Variants in EBF1 observed in about 807,000 individuals in gnomAD.
The protein encoded by EBF1 is EBF transcription factor 1.
In EBF1, 10 loss-of-function variants were observed where a neutral mutation model predicts 68.4. The observed-to-expected ratio is 0.15, with a 90% CI of 0.09 to 0.25. The LOEUF is 0.25. Among genes scored for constraint, EBF1 ranks in the 10% least tolerant of loss-of-function variants. EBF1 has a pLI of 1.00. For missense variants in EBF1, 509 were observed against 794.4 expected (o/e 0.64, Z 4.32); for synonymous variants, 298 against 299.8 (o/e 0.99, Z 0.06).
At chr5:158,787,575 T>C (rs1019813091) in intron 9 of EBF1, among the ~76,000 whole-genome samples, 8 of 152,208 alleles carry the variant, frequency 5.3e-5, no homozygotes, top group African/African-American at 1.9e-4. Flanking sequence ...TCATATTAGA[T>C]AGTTAAGAGA....
intron 6 of EBF1, among the ~76,000 whole-genome samples, chr5:159,024,325 T>A (rs951343876): frequency 6.6e-5 from 10 of 152,200 alleles, no homozygotes; most frequent in African/African-American, 2.4e-4. Context: ...GACTATAAAG[T>A]GATAGGCTGA....
At chr5:159,008,621 G>A (rs1042191183) in intron 6 of EBF1, among the ~76,000 whole-genome samples, 2 of 147,036 alleles carry the variant, frequency 1.4e-5, no homozygotes, top group Non-Finnish European at 3.0e-5. Flanking sequence ...AGCCTCCTGG[G>A]CTTCAACGAT....
intron 6 of EBF1, among the ~76,000 whole-genome samples, chr5:158,963,679 T>A (rs145628927): frequency 6.6e-6 from 1 of 152,150 alleles, no homozygotes; most frequent in African/African-American, 2.4e-5. Context: ...AACAAAGATA[T>A]TAAATCGAAA....
chr5:158,828,478 T>C (rs1407788307), intron 7 of EBF1, among the ~76,000 whole-genome samples: 1 of 152,178 alleles, frequency 6.6e-6, no homozygotes, highest in Non-Finnish European at 1.5e-5. Flanking sequence ...GGGATCCTTG[T>C]GGTGATGAAA....
At chr5:159,069,349 C>T (rs1387172111) in intron 6 of EBF1, among the ~76,000 whole-genome samples, 1 of 151,988 alleles carries the variant, frequency 6.6e-6, no homozygotes, top group African/African-American at 2.4e-5. Context: ...AACAAACAAA[C>T]ATTAAGCTGC....
At chr5:158,895,061 A>G (rs1562241300) in intron 6 of EBF1, among the ~76,000 whole-genome samples, 1 of 152,202 alleles carries the variant, frequency 6.6e-6, no homozygotes, top group Non-Finnish European at 1.5e-5. Context: ...TTCAGTCTAT[A>G]AGAATCTTGT....
chr5:159,085,023 A>G (rs1009358125), intron 4 of EBF1, among the ~76,000 whole-genome samples: 2 of 152,194 alleles, frequency 1.3e-5, no homozygotes, highest in Non-Finnish European at 2.9e-5. Context: ...ATAGAATACA[A>G]ATAAATCTCA....
In EBF1 at chr5:158,712,347, G is replaced by A. The variant is rs779578503; in HGVS notation, c.1370-14C>T. 8 of 1,612,226 alleles carry A rather than the reference G, an allele frequency of 5.0e-6. No homozygotes were observed. Among genetic ancestry groups the A allele is most frequent in the South Asian group, 1.1e-5 (1 of 90,778 alleles). On this transcript the variant is annotated splice_polypyrimidine_tract_variant and intron_variant, in intron 13 of 15. Coordinates refer to ENST00000313708, the MANE Select transcript of EBF1 (RefSeq NM_024007.5). The stretch of plus-strand genomic sequence containing the variant: ...TGCGGGTGAAACCTGAGGGGCGGGG[G>A]CAAAACCGGAGGTGAGGGTGGCATT...
chr5:158,813,898 T>A (rs1175012642), intron 8 of EBF1, among the ~76,000 whole-genome samples: 2 of 152,206 alleles, frequency 1.3e-5, no homozygotes, highest in Non-Finnish European at 2.9e-5. Context: ...CACTTGCCCA[T>A]AAACATCATT....
At chr5:159,044,443 AG>A (rs1415659388) in intron 6 of EBF1, among the ~76,000 whole-genome samples, 1 of 152,180 alleles carries the variant, frequency 6.6e-6, no homozygotes, top group Non-Finnish European at 1.5e-5. Flanking sequence ...AAAACTATAA[AG>A]TGTGTTCTGT....
At chr5:159,083,556 C>T (rs946903994) in intron 5 of EBF1, among the ~76,000 whole-genome samples, 3 of 152,098 alleles carry the variant, frequency 2.0e-5, no homozygotes, top group Non-Finnish European at 4.4e-5. Context: ...TATATCCATA[C>T]GTAACTGTAG....
chr5:159,079,102 T>C (rs1309068821), intron 5 of EBF1, among the ~76,000 whole-genome samples: 2 of 152,206 alleles, frequency 1.3e-5, no homozygotes, highest in Non-Finnish European at 2.9e-5. Context: ...GTTATAAAGA[T>C]GACTTGATTT....
chr5:158,753,202 T>C (rs1256049409), intron 10 of EBF1, among the ~76,000 whole-genome samples: 4 of 152,032 alleles, frequency 2.6e-5, no homozygotes, highest in Admixed American at 1.3e-4. Flanking sequence ...TGAAGCAAGC[T>C]AGAAGGAAAG....
intron 8 of EBF1, among the ~76,000 whole-genome samples, chr5:158,820,821 T>G (rs1784669232): frequency 6.6e-6 from 1 of 152,188 alleles, no homozygotes; most frequent in Non-Finnish European, 1.5e-5. Flanking sequence ...ATTAACACTC[T>G]TAGAAGAGGG....
intron 11 of EBF1, among the ~76,000 whole-genome samples, chr5:158,730,631 G>A (rs1351278710): frequency 6.6e-6 from 1 of 152,304 alleles, no homozygotes; most frequent in East Asian, 1.9e-4. Flanking sequence ...ACTAAGTACG[G>A]ATCCTCGTAG....
intron 6 of EBF1, among the ~76,000 whole-genome samples, chr5:158,955,311 G>A (rs1479616767): frequency 2.0e-5 from 3 of 151,782 alleles, no homozygotes; most frequent in Non-Finnish European, 4.4e-5. Context: ...CAACAAGAGC[G>A]AAACTCCATC....
intron 6 of EBF1, among the ~76,000 whole-genome samples, chr5:158,847,379 G>A (rs2127988541): frequency 6.6e-6 from 1 of 152,318 alleles, no homozygotes; most frequent in East Asian, 1.9e-4. Context: ...TGAATAGGTA[G>A]AGGACAGGAC....
chr5:159,034,989 A>G (rs1458878667), intron 6 of EBF1, among the ~76,000 whole-genome samples: 1 of 152,238 alleles, frequency 6.6e-6, no homozygotes, highest in East Asian at 1.9e-4. Context: ...TATATGCAAG[A>G]GAACATCAAG....
intron 6 of EBF1, among the ~76,000 whole-genome samples, chr5:158,846,399 G>A (rs1791531239): frequency 6.6e-6 from 1 of 152,190 alleles, no homozygotes; most frequent in Non-Finnish European, 1.5e-5. Context: ...AATAGCCAAG[G>A]AAGTCTTTCT....
Sources: allele counts gnomAD v4.1 joint callset (sites outside exome capture counted in the v4.1 genomes callset), GRCh38; gene constraint gnomAD v4.1.1; transcripts MANE v1.5; gene names NCBI Gene and HGNC (gene_info 2026-07-23, HGNC 2026-07-21).